Variants in MEIKIN observed in about 807,000 individuals in gnomAD.
MEIKIN encodes meiosis-specific kinetochore protein.
At chr5:131,819,402 T>C (rs1434631183) in intron 11 of MEIKIN, among the ~76,000 whole-genome samples, 3 of 108,350 alleles carry the variant, frequency 2.8e-5, no homozygotes, top group African/African-American at 1.1e-4. Context: ...GAGGCAGAGG[T>C]GGAGGAAGAG....
chr5:131,883,873 T>C (rs1032416822), intron 8 of MEIKIN, among the ~76,000 whole-genome samples: 4 of 152,138 alleles, frequency 2.6e-5, no homozygotes, highest in African/African-American at 9.7e-5. Context: ...AGTAAAGGGA[T>C]TGTGAGACAT....
chr5:131,921,322 G>T (rs1318177364), intron 6 of MEIKIN, among the ~76,000 whole-genome samples: 4 of 152,046 alleles, frequency 2.6e-5, no homozygotes, highest in Non-Finnish European at 4.4e-5. Context: ...GACCAGCCTG[G>T]GCAACATAGC....
At chr5:131,871,252 A>G (rs900152493) in intron 9 of MEIKIN, among the ~76,000 whole-genome samples, 5 of 152,204 alleles carry the variant, frequency 3.3e-5, no homozygotes, top group Non-Finnish European at 7.3e-5. Context: ...TTTCCTAGTC[A>G]AAGAAAGGGG....
intron 8 of MEIKIN, among the ~76,000 whole-genome samples, chr5:131,888,745 T>C (rs1166158032): frequency 1.3e-5 from 2 of 152,246 alleles, no homozygotes; most frequent in African/African-American, 4.8e-5. Flanking sequence ...TTGGCGTTTG[T>C]TGCCATTGCT....
At chr5:131,821,377 T>C (rs1483802878) in intron 11 of MEIKIN, among the ~76,000 whole-genome samples, 1 of 152,200 alleles carries the variant, frequency 6.6e-6, no homozygotes, top group Non-Finnish European at 1.5e-5. Context: ...ATTGTTTCAA[T>C]GTTTTGAGTG....
intron 11 of MEIKIN, among the ~76,000 whole-genome samples, chr5:131,826,588 T>C (rs892273526): frequency 8.5e-5 from 13 of 152,336 alleles, no homozygotes; most frequent in Admixed American, 5.2e-4. Flanking sequence ...CCAAATCTCA[T>C]CTTGAATTAT....
rs539042178 is a variant in MEIKIN at position 131,869,285 on chromosome 5, T to C, written c.774+9693A>G. Among the ~76,000 whole-genome samples, 170 of 152,334 alleles carry C rather than the reference T, an allele frequency of 1.1e-3. 1 individual carries two copies. The highest frequency in any genetic ancestry group is 7.2e-4 in the Admixed American group (11 of 15,300). The stretch of plus-strand genomic sequence containing the variant: ...GCTCCTTTGTCAAAGATCAGTTGAC[T>C]ATATTTATATGGGTCTATTTCTGGG... On this transcript the variant is annotated intron_variant, in intron 9 of 12. Transcript: ENST00000442687.
intron 9 of MEIKIN, among the ~76,000 whole-genome samples, chr5:131,877,218 A>G (rs1295014735): frequency 6.6e-6 from 1 of 152,194 alleles, no homozygotes; most frequent in Non-Finnish European, 1.5e-5. Context: ...TTAAAAAAGT[A>G]GGTAAAAACA....
At chr5:131,904,294 T>A (rs906507686) in intron 8 of MEIKIN, among the ~76,000 whole-genome samples, 1 of 152,180 alleles carries the variant, frequency 6.6e-6, no homozygotes, top group Non-Finnish European at 1.5e-5. Context: ...ATTCAGAGCC[T>A]TAACACAACA....
intron 2 of MEIKIN, 189 bp from the exon 3 acceptor site, chr5:131,944,941 A>G: frequency 2.5e-6 from 1 of 397,686 alleles, no homozygotes; most frequent in Non-Finnish European, 4.4e-6. Context: ...AATTTATCTC[A>G]CTTCCTTTTA....
chr5:131,841,787 T>C lies in MEIKIN; in HGVS notation c.975+9477A>G, dbSNP rs143976021. 3.0e-3 allele frequency among the ~76,000 whole-genome samples: 464 copies of C among 152,356 alleles called. 2 individuals carry two copies. Among genetic ancestry groups the C allele is most frequent in the African/African-American group, 0.01 (432 of 41,590 alleles). ...CATTAATGTCTTATAATTTTTAGTA[T>C]ATAGCTCTTTTGCCTCCTTGGTTGT... On this transcript the variant is annotated intron_variant, in intron 11 of 12. Coordinates refer to ENST00000442687, the MANE Select transcript of MEIKIN (RefSeq NM_001303622.2).
intron 12 of MEIKIN, among the ~76,000 whole-genome samples, chr5:131,816,103 G>C (rs761834558): frequency 5.3e-5 from 8 of 152,172 alleles, no homozygotes; most frequent in Middle Eastern, 3.2e-3. Flanking sequence ...TGGGGAAAGG[G>C]TTAGCACATT....
At chr5:131,852,278 AG>A (rs971379173) in intron 10 of MEIKIN, among the ~76,000 whole-genome samples, 1 of 152,018 alleles carries the variant, frequency 6.6e-6, no homozygotes, top group African/African-American at 2.4e-5. Context: ...ATGGTTTTAT[AG>A]GGTAGTTTTC....
chr5:131,870,719 C>T (rs541040558), intron 9 of MEIKIN, among the ~76,000 whole-genome samples: 41 of 152,244 alleles, frequency 2.7e-4, no homozygotes, highest in African/African-American at 9.6e-4. Flanking sequence ...TCCTATCGAT[C>T]AACTCTACAG....
intron 9 of MEIKIN, 78 bp from the exon 10 acceptor site, chr5:131,854,912 A>G: frequency 2.6e-6 from 1 of 391,022 alleles, no homozygotes; most frequent in Non-Finnish European, 4.5e-6. Flanking sequence ...CTACAATTTC[A>G]AGTTAGTTGA....
rs868787752 is a variant in MEIKIN at position 131,892,389 on chromosome 5, T to C, written c.704-13341A>G. Among the ~76,000 whole-genome samples, 3 of 152,340 alleles carry C rather than the reference T, an allele frequency of 2.0e-5. 1 individual carries two copies. The South Asian group carries it at 6.2e-4, about 32-fold the overall frequency. The stretch of plus-strand genomic sequence containing the variant: ...AATTTGGTCTTTTCACATAGTCCCA[T>C]ATTTCTTGGAGGCTTTGTTCGTTTC... On this transcript the variant is annotated intron_variant, in intron 8 of 12. Coordinates refer to ENST00000442687, the MANE Select transcript of MEIKIN (RefSeq NM_001303622.2).
intron 6 of MEIKIN, among the ~76,000 whole-genome samples, chr5:131,920,697 A>AT (rs59138710): frequency 0.013 from 1,865 of 142,074 alleles, 17 homozygotes; most frequent in Middle Eastern, 0.025. Context: ...GCATAACTTC[A>AT]TTTTTTTTTT....
chr5:131,872,186 G>C (rs1292266668), intron 9 of MEIKIN, among the ~76,000 whole-genome samples: 1 of 152,128 alleles, frequency 6.6e-6, no homozygotes, highest in African/African-American at 2.4e-5. Flanking sequence ...GGCTTCAGAT[G>C]ATCAAACTAC....
intron 11 of MEIKIN, among the ~76,000 whole-genome samples, chr5:131,826,024 C>T (rs1298202105): frequency 2.0e-5 from 3 of 151,598 alleles, no homozygotes; most frequent in Non-Finnish European, 4.4e-5. Context: ...AAAACTAACA[C>T]AATCTACCAC....
Sources: gnomAD v4.1 joint callset for allele counts (sites outside exome capture counted in the v4.1 genomes callset) on GRCh38, gnomAD v4.1.1 for gene constraint, MANE v1.5 for transcripts, NCBI Gene and HGNC (gene_info 2026-07-23, HGNC 2026-07-21) for gene names.